Variants in PRKCH observed in about 807,000 individuals in gnomAD.
PRKCH encodes the protein protein kinase C eta type.
In PRKCH, 28 loss-of-function variants were observed where a neutral mutation model predicts 82.5. That is an observed-to-expected ratio of 0.34 (90% CI 0.25 to 0.47). The LOEUF (loss-of-function observed/expected upper bound fraction) is 0.47. Among genes scored for constraint, PRKCH ranks in the 20% least tolerant of loss-of-function variants. The pLI is 1.00. For missense variants in PRKCH, 705 were observed against 881.8 expected (o/e 0.80, Z 2.54); for synonymous variants, 322 against 327.4 (o/e 0.98, Z 0.18).
At chr14:61,531,029 G>T (rs1396386311) in intron 12 of PRKCH, among the ~76,000 whole-genome samples, 3 of 152,124 alleles carry the variant, frequency 2.0e-5, no homozygotes, top group African/African-American at 7.2e-5. Context: ...TTTCTCTTAG[G>T]GCTGGGAGAG....
intron 2 of PRKCH, among the ~76,000 whole-genome samples, chr14:61,410,499 C>CTTT (rs1882209332): frequency 6.6e-6 from 1 of 152,074 alleles, no homozygotes; most frequent in Non-Finnish European, 1.5e-5. Flanking sequence ...GTTAAAGGCT[C>CTTT]TTTTTCTCTA....
chr14:61,271,611 C>G (rs1368360040), intron 1 of PRKCH, among the ~76,000 whole-genome samples: 2 of 152,330 alleles, frequency 1.3e-5, no homozygotes, highest in East Asian at 3.9e-4. Context: ...CTGCCTTAGA[C>G]TAGTTATTTA....
intron 1 of PRKCH, among the ~76,000 whole-genome samples, chr14:61,302,770 A>G (rs1307343580): frequency 6.6e-6 from 1 of 152,176 alleles, no homozygotes. Flanking sequence ...TTTGAAATTT[A>G]TTAAGCCACA....
At chr14:61,360,166 G>A (rs2046204147) in intron 1 of PRKCH, among the ~76,000 whole-genome samples, 1 of 152,296 alleles carries the variant, frequency 6.6e-6, no homozygotes, top group Middle Eastern at 3.4e-3. Flanking sequence ...AGAGGAATAT[G>A]TCGTGAGTAA....
intron 1 of PRKCH, among the ~76,000 whole-genome samples, chr14:61,334,843 T>G (rs1594922829): frequency 6.6e-6 from 1 of 152,000 alleles, no homozygotes; most frequent in South Asian, 2.1e-4. Context: ...AATGCTAGCT[T>G]TGGGTGCTTT....
chr14:61,193,262 A>G (rs1211085797), intron 1 of PRKCH, among the ~76,000 whole-genome samples: 1 of 152,240 alleles, frequency 6.6e-6, no homozygotes, highest in Non-Finnish European at 1.5e-5. Flanking sequence ...GACTCATGGT[A>G]CAAAGTTTTA....
intron 1 of PRKCH, among the ~76,000 whole-genome samples, chr14:61,338,515 A>G (rs1366840611): frequency 1.3e-5 from 2 of 152,160 alleles, no homozygotes; most frequent in African/African-American, 4.8e-5. Flanking sequence ...ACAAAATGTT[A>G]ACTTTTGTTT....
chr14:61,517,195 C>T (rs1208942613), intron 10 of PRKCH, among the ~76,000 whole-genome samples: 2 of 152,262 alleles, frequency 1.3e-5, no homozygotes, highest in South Asian at 2.1e-4. Flanking sequence ...AGGCTGGTCC[C>T]GTAAATTCTT....
intron 1 of PRKCH, 123 bp downstream of exon 1, chr14:61,322,587 T>C (rs761419955): frequency 2.1e-5 from 30 of 1,401,600 alleles, no homozygotes; most frequent in Non-Finnish European, 2.7e-5. Flanking sequence ...CTCCAGACTT[T>C]GGTCTTCGTC....
At chr14:61,404,023 A>G (rs1368878037) in intron 2 of PRKCH, among the ~76,000 whole-genome samples, 1 of 152,200 alleles carries the variant, frequency 6.6e-6, no homozygotes, top group Non-Finnish European at 1.5e-5. Context: ...AATGAACAAG[A>G]CAGTAGAGTT....
intron 1 of PRKCH, among the ~76,000 whole-genome samples, chr14:61,371,482 G>A (rs1184989711): frequency 1.3e-5 from 2 of 152,002 alleles, no homozygotes; most frequent in African/African-American, 4.8e-5. Flanking sequence ...GAGCTTGACA[G>A]CTTGACAAGT....
chr14:61,346,241 C>T (rs1594933061), intron 1 of PRKCH, among the ~76,000 whole-genome samples: 1 of 152,066 alleles, frequency 6.6e-6, no homozygotes, highest in South Asian at 2.1e-4. Flanking sequence ...TCACATAATA[C>T]AAATTTGATT....
At chr14:61,502,070 T>C (rs867514000) in intron 10 of PRKCH, among the ~76,000 whole-genome samples, 5 of 141,750 alleles carry the variant, frequency 3.5e-5, no homozygotes, top group South Asian at 2.4e-4. Flanking sequence ...CTTTTCTTTT[T>C]TTTTTTTTTT....
At chr14:61,531,151 G>A (rs75742752) in intron 12 of PRKCH, among the ~76,000 whole-genome samples, 1,618 of 152,294 alleles carry the variant, frequency 0.011, 31 homozygotes, top group African/African-American at 0.037. Flanking sequence ...GGATCATGTT[G>A]AGAAAGTCTT....
At chr14:61,473,482 G>T (rs1027870394) in intron 9 of PRKCH, among the ~76,000 whole-genome samples, 1 of 152,244 alleles carries the variant, frequency 6.6e-6, no homozygotes, top group Non-Finnish European at 1.5e-5. Flanking sequence ...AATCATGGGA[G>T]TGGAGTCAAG....
chr14:61,267,193 T>A (rs2045110821), intron 1 of PRKCH, among the ~76,000 whole-genome samples: 1 of 152,200 alleles, frequency 6.6e-6, no homozygotes, highest in Non-Finnish European at 1.5e-5. Flanking sequence ...TGAGTATGTC[T>A]GATAGTCTAA....
chr14:61,261,594 C>T (rs555202875), intron 1 of PRKCH, among the ~76,000 whole-genome samples: 3 of 152,286 alleles, frequency 2.0e-5, no homozygotes, highest in Admixed American at 6.5e-5. Context: ...GGGGAAGGCT[C>T]TCTTGCTGTT....
At chr14:61,247,328 G>C (rs182993830) in intron 1 of PRKCH, among the ~76,000 whole-genome samples, 1 of 151,590 alleles carries the variant, frequency 6.6e-6, no homozygotes, top group Non-Finnish European at 1.5e-5. Context: ...ATTGTTACTA[G>C]GTTTCTCTAT....
intron 1 of PRKCH, among the ~76,000 whole-genome samples, chr14:61,388,449 G>T (rs1049361723): frequency 2.0e-5 from 3 of 152,210 alleles, no homozygotes; most frequent in Non-Finnish European, 2.9e-5. Context: ...CCCATCTTGG[G>T]GTGGAAAGGC....
Sources: allele counts gnomAD v4.1 joint callset (sites outside exome capture counted in the v4.1 genomes callset), GRCh38; gene constraint gnomAD v4.1.1; transcripts MANE v1.5; gene names NCBI Gene and HGNC (gene_info 2026-07-23, HGNC 2026-07-21).